DCC: variants seen among roughly 807,000 people sequenced by gnomAD.
The protein encoded by DCC is DCC netrin 1 receptor, also known as netrin receptor DCC.
In DCC, 58 loss-of-function variants were observed where a neutral mutation model predicts 172.5. That is an observed-to-expected ratio of 0.34 (90% CI 0.27 to 0.42). DCC has a LOEUF of 0.42. Ranked by LOEUF, DCC falls within the 10% of genes least tolerant of loss-of-function variation. The pLI is 1.00. For missense variants in DCC, 1,740 were observed against 1,791.0 expected (o/e 0.97, Z 0.51); for synonymous variants, 709 against 644.5 (o/e 1.10, Z -1.52).
rs1328494669 is a variant in DCC at position 53,246,429 on chromosome 18, A to G, written c.1911+30832A>G. Among the ~76,000 whole-genome samples the G allele has an allele frequency of 2.0e-5, 3 of 152,096 alleles. No homozygotes were observed. The East Asian group carries it at 5.8e-4, about 29-fold the overall frequency. ...AGGTTGTCAGAACATCACTACTTGG[A>G]TCTGAGAAAGGGTCAGGCAACAAGG... On this transcript the variant is annotated intron_variant, in intron 12 of 28. Coordinates refer to ENST00000442544, the MANE Select transcript of DCC (RefSeq NM_005215.4).
chr18:53,083,980 G>A (rs1047634651), intron 7 of DCC, among the ~76,000 whole-genome samples: 5 of 152,160 alleles, frequency 3.3e-5, no homozygotes, highest in African/African-American at 1.2e-4. Flanking sequence ...GTTAGTGTGG[G>A]CCAGAAAAGG....
intron 7 of DCC, among the ~76,000 whole-genome samples, chr18:53,137,848 C>T (rs2043768966): frequency 6.6e-6 from 1 of 151,898 alleles, no homozygotes. Flanking sequence ...CAAGGTCTCA[C>T]TCTGTCACCT....
intron 7 of DCC, among the ~76,000 whole-genome samples, chr18:53,150,153 A>C (rs895376214): frequency 6.6e-6 from 1 of 152,198 alleles, no homozygotes; most frequent in East Asian, 1.9e-4. Flanking sequence ...ATTTGGTTCA[A>C]AATAAAATGT....
At chr18:52,905,098 C>T (rs1385530580) in intron 2 of DCC, among the ~76,000 whole-genome samples, 1 of 152,100 alleles carries the variant, frequency 6.6e-6, no homozygotes, top group Non-Finnish European at 1.5e-5. Flanking sequence ...TCTCTCTCAC[C>T]ATGCTTATGC....
chr18:52,754,429 G>T (rs1599076780), intron 2 of DCC, among the ~76,000 whole-genome samples: 1 of 152,110 alleles, frequency 6.6e-6, no homozygotes, highest in Non-Finnish European at 1.5e-5. Flanking sequence ...TTAGATCATG[G>T]GGTGGAGCCC....
At chr18:53,378,687 T>C (rs1907492777) in intron 15 of DCC, among the ~76,000 whole-genome samples, 1 of 152,218 alleles carries the variant, frequency 6.6e-6, no homozygotes, top group Admixed American at 6.5e-5. Flanking sequence ...ACTGAAACAT[T>C]TCTCACTAAG....
chr18:53,158,151 A>G (rs1164312390), intron 8 of DCC, among the ~76,000 whole-genome samples: 6 of 151,720 alleles, frequency 4.0e-5, no homozygotes, highest in Non-Finnish European at 1.5e-5. Context: ...AAAAAAAATC[A>G]AATTTAAAAA....
intron 1 of DCC, among the ~76,000 whole-genome samples, chr18:52,536,996 A>T (rs1190080336): frequency 6.6e-6 from 1 of 152,176 alleles, no homozygotes; most frequent in Non-Finnish European, 1.5e-5. Flanking sequence ...TCCTTAAAGA[A>T]ATAGAAAATG....
At chr18:53,484,771 A>G (rs1242166151) in intron 25 of DCC, among the ~76,000 whole-genome samples, 1 of 151,914 alleles carries the variant, frequency 6.6e-6, no homozygotes, top group Non-Finnish European at 1.5e-5. Flanking sequence ...GTTATTCAAT[A>G]TTTGTTATGG....
At chr18:52,717,430 CTTTTTTTT>C (rs59202776) in intron 1 of DCC, among the ~76,000 whole-genome samples, 5 of 123,418 alleles carry the variant, frequency 4.1e-5, no homozygotes, top group East Asian at 2.4e-4. Flanking sequence ...TTCTAAATTT[CTTTTTTTT>C]TTTTTTTTTT....
intron 9 of DCC, among the ~76,000 whole-genome samples, chr18:53,200,189 G>A (rs8084351): frequency 0.46 from 69,654 of 152,008 alleles, 16,929 homozygotes; most frequent in Non-Finnish European, 0.52. Flanking sequence ...CCCGCCAATA[G>A]TAATTAAGCT....
At chr18:52,750,216 TGAAG>T (rs1437313601) in intron 1 of DCC, among the ~76,000 whole-genome samples, 2 of 152,190 alleles carry the variant, frequency 1.3e-5, no homozygotes, top group African/African-American at 2.4e-5. Context: ...TTTTTGCAGA[TGAAG>T]GAACTGAGTT....
At chr18:52,743,205 C>A (rs1230306124) in intron 1 of DCC, among the ~76,000 whole-genome samples, 1 of 152,158 alleles carries the variant, frequency 6.6e-6, no homozygotes, top group Non-Finnish European at 1.5e-5. Flanking sequence ...TTTCTAAATA[C>A]TCACAAGAGC....
chr18:53,171,404 G>T (rs1401671358), intron 8 of DCC, among the ~76,000 whole-genome samples: 2 of 152,130 alleles, frequency 1.3e-5, no homozygotes, highest in African/African-American at 2.4e-5. Flanking sequence ...CAATGCATTT[G>T]CCTGGGTTCT....
At chr18:53,345,872 A>G (rs2057718349) in intron 15 of DCC, among the ~76,000 whole-genome samples, 1 of 152,032 alleles carries the variant, frequency 6.6e-6, no homozygotes, top group South Asian at 2.1e-4. Flanking sequence ...ATTTAATGTA[A>G]TTATACATAT....
At chr18:53,453,748 C>T (rs567400613) in intron 23 of DCC, among the ~76,000 whole-genome samples, 8 of 152,220 alleles carry the variant, frequency 5.3e-5, no homozygotes, top group African/African-American at 1.9e-4. Flanking sequence ...TAAATGAAGA[C>T]CCTTAATACT....
At chr18:52,899,203 G>A (rs2039775010) in intron 2 of DCC, among the ~76,000 whole-genome samples, 1 of 152,058 alleles carries the variant, frequency 6.6e-6, no homozygotes, top group African/African-American at 2.4e-5. Flanking sequence ...AGGCTGGAGT[G>A]CAGAAGTGTG....
At chr18:52,717,430 C>CTTTTTTTTTTT (rs59202776) in intron 1 of DCC, among the ~76,000 whole-genome samples, 1 of 123,414 alleles carries the variant, frequency 8.1e-6, no homozygotes, top group Non-Finnish European at 1.6e-5. Flanking sequence ...TTCTAAATTT[C>CTTTTTTTTTTT]TTTTTTTTTT....
chr18:52,761,920 A>G (rs1372003946), intron 2 of DCC, among the ~76,000 whole-genome samples: 3 of 140,086 alleles, frequency 2.1e-5, no homozygotes, highest in Non-Finnish European at 4.7e-5. Flanking sequence ...AAAAAAAAAA[A>G]AAAAAGAAAA....
Sources: gnomAD v4.1 joint callset for allele counts (sites outside exome capture counted in the v4.1 genomes callset) on GRCh38, gnomAD v4.1.1 for gene constraint, MANE v1.5 for transcripts, NCBI Gene and HGNC (gene_info 2026-07-23, HGNC 2026-07-21) for gene names.